Variants in MRPL38 observed in about 807,000 individuals in gnomAD.
The protein encoded by MRPL38 is large ribosomal subunit protein mL38.
Under a neutral mutation model 52.1 loss-of-function variants are expected in MRPL38, and 51 were observed. The ratio of observed to expected loss-of-function variants is 0.98; its 90% CI spans 0.78 to 1.24. The LOEUF (loss-of-function observed/expected upper bound fraction) is 1.24, where lower values mean the gene tolerates loss of function less well. Among genes scored for constraint, MRPL38 ranks in the 50% most tolerant of loss-of-function variants. The pLI is 0.00. For missense variants in MRPL38, 527 were observed against 518.6 expected (o/e 1.02, Z -0.16); for synonymous variants, 245 against 212.7 (o/e 1.15, Z -1.32).
chr17:75,904,770 G>GGGGGGGCCCCCCC, intron 1 of MRPL38, 39 bp downstream of exon 1: 1 of 500,004 alleles, frequency 2.0e-6, no homozygotes, highest in Non-Finnish European at 2.8e-6. Flanking sequence ...TCGGGCGACA[G>GGGGGGGCCCCCCC]CCCCCCCCCC....
At position 75,901,387 on chromosome 17, in the gene MRPL38, ACAGG is replaced by A; in HGVS notation, c.592-118_592-115del. ...CCAAAAGCCCTTGACAACCCCTGGC[ACAGG>A]CAGGCAGGCAAAGGGATGCGTAGAG... On this transcript the variant is annotated intron_variant, in intron 4 of 8. Coordinates refer to ENST00000309352, the MANE Select transcript of MRPL38 (RefSeq NM_032478.4). The surrounding 1 kb of genome is among the most constrained non-coding windows in gnomAD (Gnocchi z 5.7). The A allele has an allele frequency of 7.7e-6, 8 of 1,041,936 alleles. No individual in the cohort carries two copies. The highest frequency in any genetic ancestry group is 1.4e-5 in the South Asian group (1 of 73,638). 64.5% of individuals were successfully genotyped at this position (1,041,936 alleles called of 1,614,324 possible).
chr17:75,899,747 A>G lies in MRPL38; in HGVS notation c.711-73T>C, dbSNP rs960849958. 8 of 1,308,392 alleles carry G rather than the reference A, an allele frequency of 6.1e-6. No individual in the cohort carries two copies. The African/African-American group carries it at 1.2e-4, about 20-fold the overall frequency. 81.0% of individuals were successfully genotyped at this position (1,308,392 alleles called of 1,614,324 possible). ...GGAGTGTCCCCTCAGCTCCATGCAC[A>G]CCCTAGAGGCTGACATGACTCCCTG... On this transcript the variant is annotated intron_variant, in intron 6 of 8. Transcript: ENST00000309352.
chr17:75,904,780 C>CG, intron 1 of MRPL38, 29 bp downstream of exon 1: 4 of 1,005,530 alleles, frequency 4.0e-6, no homozygotes, highest in African/African-American at 2.6e-5. Context: ...GCCCCCCCCC[C>CG]CCCCCCCGCA....
At position 75,899,177 on chromosome 17, in the gene MRPL38, G is replaced by A. The variant is rs2065392150; in HGVS notation, c.987C>T (p.Tyr329=). Residue 329 remains tyrosine (Y), a synonymous_variant, in exon 8 of 9, where the codon TAC becomes TAT. Coordinates refer to ENST00000309352, the MANE Select transcript of MRPL38 (RefSeq NM_032478.4). ...CCTTACCCAGAAGCTGGTGGAAGATGTAGGTGACGGAGTCATCCCAGCGGC... is the reference window on the plus strand; with the variant it reads ...CCTTACCCAGAAGCTGGTGGAAGATATAGGTGACGGAGTCATCCCAGCGGC... ...FQCRWDDSVT[Y]IFHQLLDMRE... The A allele has an allele frequency of 6.2e-7, 1 of 1,604,200 alleles. No homozygotes were observed. The highest frequency in any genetic ancestry group is 1.3e-5 in the African/African-American group (1 of 74,774).
Position 75,904,579 on chromosome 17 carries a change from A to G in MRPL38, c.208T>C (p.Trp70Arg). 1 of 1,581,110 alleles carries G rather than the reference A, an allele frequency of 6.3e-7. No homozygotes were observed. Among genetic ancestry groups the G allele is most frequent in the Non-Finnish European group, 8.5e-7 (1 of 1,172,794 alleles). Residue 70 changes from tryptophan (W) to arginine (R), a missense_variant, in exon 2 of 9, where the codon TGG becomes CGG. Trp to Arg is a moderately radical substitution (Grantham distance 101, BLOSUM62 -3). Coordinates refer to ENST00000309352, the MANE Select transcript of MRPL38 (RefSeq NM_032478.4). ...RAEQEAQAPH[W>R]WRTYREYFGE... ...AAATACTCTCGGTAGGTCCGCCACC[A>G]GTGCGGGGCCTGCGCCTCCTGCTCT...
chr17:75,899,435 G>A, intron 7 of MRPL38, 81 bp downstream of exon 7: 1 of 1,515,540 alleles, frequency 6.6e-7, no homozygotes, highest in Non-Finnish European at 8.9e-7. Context: ...TCAAGGCTGA[G>A]GTCAAGAGAG....
rs1461629250 is a variant in MRPL38, at chr17:75,899,769, C to T, written c.711-95G>A. ...CACACCCTAGAGGCTGACATGACTCCCTGGGAGGACAGCTCTAAGCATCTC... is the reference window on the plus strand; with the variant it reads ...CACACCCTAGAGGCTGACATGACTCTCTGGGAGGACAGCTCTAAGCATCTC... On this transcript the variant is annotated intron_variant, in intron 6 of 8. Transcript: ENST00000309352. 6.4e-6 allele frequency: 7 copies of T among 1,088,942 alleles called. No homozygotes were observed. The African/African-American group carries it at 9.7e-5, about 15-fold the overall frequency. The allele number at this position is 1,088,942 out of a possible 1,614,324, so 67.5% of individuals were successfully genotyped here.
Position 75,901,900 on chromosome 17 carries a change from C to T in MRPL38, c.403G>A (p.Val135Met), listed in dbSNP as rs751059495. The T allele has an allele frequency of 5.9e-6, 9 of 1,530,646 alleles. No homozygotes were observed. The highest frequency in any genetic ancestry group is 2.6e-5 in the East Asian group (1 of 37,972). The allele number at this position is 1,530,646 out of a possible 1,614,324, so 94.8% of individuals were successfully genotyped here. A position where few individuals can be genotyped will look rare whatever the true frequency, so the allele number is the denominator to read the frequency against. Residue 135 changes from valine to methionine, a missense_variant, in exon 4 of 9, where the codon GTG (valine) becomes ATG (methionine). Val to Met is a conservative substitution (Grantham distance 21). Transcript: ENST00000309352. The surrounding 1 kb of genome is among the most constrained non-coding windows in gnomAD (Gnocchi z 5.7). ...CAGGTCCTCTCCCACTCGGCCCGCA[C>T]GGCATCCAGCGGGACACTGGCTAGA... ...LRTASVPLDA[V>M]RAEWERTCGP...
intron 6 of MRPL38, 131 bp from the exon 7 acceptor site, chr17:75,899,805 C>G: frequency 1.3e-6 from 1 of 745,140 alleles, no homozygotes; most frequent in Non-Finnish European, 1.9e-6. Context: ...TCTCCTGGGA[C>G]AGAGGAGGCA....
chr17:75,900,954 C>T, intron 6 of MRPL38, 28 bp downstream of exon 6: 1 of 1,608,914 alleles, frequency 6.2e-7, no homozygotes, highest in Non-Finnish European at 8.5e-7. Flanking sequence ...TGGGCAGCAC[C>T]CCCTACCCCC....
At chr17:75,900,141 G>A (rs9892372) in intron 6 of MRPL38, 9,082 of 152,710 alleles carry the variant, frequency 0.059, 818 homozygotes, top group African/African-American at 0.2. Context: ...TAAAAATGAC[G>A]GAAACCAGCC....
intron 2 of MRPL38, among the ~76,000 whole-genome samples, chr17:75,902,897 G>C (rs1182201382): frequency 1.3e-5 from 2 of 152,022 alleles, no homozygotes; most frequent in African/African-American, 4.8e-5. Context: ...AATTTTTTTT[G>C]TATTTTTAGT....
At position 75,901,657 on chromosome 17, in the gene MRPL38, G is replaced by T; in HGVS notation, c.591+55C>A. 6.8e-7 allele frequency: 1 copy of T among 1,464,808 alleles called. No homozygotes were observed. 90.7% of individuals were successfully genotyped at this position (1,464,808 alleles called of 1,614,324 possible). On this transcript the variant is annotated intron_variant, in intron 4 of 8. Transcript: ENST00000309352. This position sits in a 1 kb window ranked among gnomAD's most constrained non-coding sequence, Gnocchi z 5.7. ...CCAGGAGTGTCTGTGACACTGAGAT[G>T]GGATGTGTCTGTGTTTGCACAGGGC...
At position 75,904,770 on chromosome 17, in the gene MRPL38, GCCCCCCCC is replaced by G. The variant is rs368159910; in HGVS notation, c.67+31_67+38del. 1.1e-4 allele frequency: 55 copies of G among 500,386 alleles called. 4 individuals are homozygous for G. In the African/African-American group the frequency reaches 2.5e-3, roughly 23 times the overall value. 31.0% of individuals were successfully genotyped at this position (500,386 alleles called of 1,614,324 possible). A position where few individuals can be genotyped will look rare whatever the true frequency, so the allele number is the denominator to read the frequency against. Reference sequence around the variant, plus strand: ...CCGGCGCCCCACAGCTCGGGCGACAGCCCCCCCCCCCCCCCCCGCAGAGCTGCCCACCC... The same window carrying G: ...CCGGCGCCCCACAGCTCGGGCGACAGCCCCCCCCCGCAGAGCTGCCCACCC... On this transcript the variant is annotated intron_variant, in intron 1 of 8. Coordinates refer to ENST00000309352, the MANE Select transcript of MRPL38 (RefSeq NM_032478.4).
intron 2 of MRPL38, among the ~76,000 whole-genome samples, chr17:75,903,723 CTTT>C (rs745406432): frequency 2.4e-4 from 35 of 144,136 alleles, no homozygotes; most frequent in Non-Finnish European, 1.8e-4. Context: ...AGGTTGGGGT[CTTT>C]TTTTTTTTTT....
chr17:75,904,768 C>CGGGGG, intron 1 of MRPL38, 41 bp downstream of exon 1: 7 of 1,056,370 alleles, frequency 6.6e-6, no homozygotes, highest in Non-Finnish European at 7.5e-6. Flanking sequence ...GCTCGGGCGA[C>CGGGGG]AGCCCCCCCC....
rs34136221 is a variant in MRPL38 at position 75,902,107 on chromosome 17, G to T, written c.295C>A (p.Arg99=). The T allele has an allele frequency of 6.3e-7, 1 of 1,593,066 alleles. No individual in the cohort carries two copies. Among genetic ancestry groups the T allele is most frequent in the South Asian group, 1.1e-5 (1 of 87,342 alleles). The change falls in exon 3 of 9, where the codon CGG becomes AGG. Residue 99 remains arginine (R), a synonymous_variant. Coordinates refer to ENST00000309352, the MANE Select transcript of MRPL38 (RefSeq NM_032478.4). ...TTCCGTTCCAGTAGCTGTTGGGTCC[G>T]GGAGACTTTGGGTGGAGGCAGCCCA... ...DIGLPPPKVS[R]TQQLLERKQA...
intron 1 of MRPL38, 39 bp downstream of exon 1, chr17:75,904,770 G>GGCCCCCCCCCC: frequency 6.0e-6 from 3 of 500,006 alleles, no homozygotes; most frequent in Non-Finnish European, 5.6e-6. Context: ...TCGGGCGACA[G>GGCCCCCCCCCC]CCCCCCCCCC....
intron 2 of MRPL38, 156 bp downstream of exon 2, chr17:75,904,384 C>A: frequency 1.2e-6 from 1 of 823,070 alleles, no homozygotes; most frequent in Non-Finnish European, 2.1e-6. Context: ...GGTGATTAAG[C>A]TGCCGATAGC....
Sources: allele counts gnomAD v4.1 joint callset (sites outside exome capture counted in the v4.1 genomes callset), GRCh38; gene constraint gnomAD v4.1.1; non-coding constraint Gnocchi (gnomAD v3.1); transcripts MANE v1.5; gene names NCBI Gene and HGNC (gene_info 2026-07-23, HGNC 2026-07-21).